The following XRCC4 variants were observed in gnomAD, a reference collection of about 807,000 sequenced individuals.
XRCC4 encodes DNA repair protein XRCC4.
Under a neutral mutation model 39.1 loss-of-function variants are expected in XRCC4, and 28 were observed. That is an observed-to-expected ratio of 0.72 (90% CI 0.53 to 0.98). The LOEUF (loss-of-function observed/expected upper bound fraction) is 0.98, where lower values mean the gene tolerates loss of function less well. Ranked by LOEUF, XRCC4 falls within the 50% of genes least tolerant of loss-of-function variation. XRCC4 has a pLI of 0.00. For synonymous variants in XRCC4, 123 were observed against 126.4 expected, an observed-to-expected ratio of 0.97 and a Z score of 0.18; for missense variants, 350 against 376.4, an observed-to-expected ratio of 0.93 and a Z score of 0.58.
intron 3 of XRCC4, among the ~76,000 whole-genome samples, chr5:83,132,447 G>A (rs1353076967): frequency 6.6e-6 from 1 of 152,046 alleles, no homozygotes; most frequent in Non-Finnish European, 1.5e-5. Context: ...GGTTGGGGAA[G>A]TTTTCCTGGA....
chr5:83,221,000 A>G (rs1752062584), intron 6 of XRCC4, among the ~76,000 whole-genome samples: 1 of 151,920 alleles, frequency 6.6e-6, no homozygotes. Flanking sequence ...GTAATCTGCA[A>G]CCCTCCTTAT....
chr5:83,311,465 T>C (rs1203735795), intron 7 of XRCC4, among the ~76,000 whole-genome samples: 1 of 152,106 alleles, frequency 6.6e-6, no homozygotes, highest in East Asian at 1.9e-4. Context: ...AATTATCACA[T>C]GTATACCCAA....
chr5:83,314,706 G>A (rs1561470692), intron 7 of XRCC4, among the ~76,000 whole-genome samples: 2 of 152,044 alleles, frequency 1.3e-5, no homozygotes, highest in South Asian at 4.1e-4. Context: ...TGTGATCAGT[G>A]ATCATTTATT....
the XRCC4 span, among the ~76,000 whole-genome samples, chr5:83,360,450 C>G: frequency 6.6e-6 from 1 of 152,122 alleles, no homozygotes; most frequent in Non-Finnish European, 1.5e-5. Context: ...ACTAAGTTTA[C>G]AGTGGTGTAA....
intron 3 of XRCC4, among the ~76,000 whole-genome samples, chr5:83,194,914 C>T (rs78619439): frequency 2.4e-4 from 36 of 152,214 alleles, no homozygotes; most frequent in African/African-American, 3.4e-4. Flanking sequence ...AGTTCTCTTA[C>T]GGTGAAGATT....
chr5:83,234,492 G>A (rs973291611), intron 6 of XRCC4, among the ~76,000 whole-genome samples: 4 of 151,974 alleles, frequency 2.6e-5, no homozygotes, highest in Non-Finnish European at 2.9e-5. Flanking sequence ...GTACAGCCTC[G>A]AACTCCTGGG....
At chr5:83,222,262 G>A in intron 6 of XRCC4, among the ~76,000 whole-genome samples, 1 of 151,788 alleles carries the variant, frequency 6.6e-6, no homozygotes, top group Non-Finnish European at 1.5e-5. Flanking sequence ...ATTTCTTGTA[G>A]ATTGTTATGA....
At chr5:83,294,041 T>G (rs535818651) in intron 7 of XRCC4, among the ~76,000 whole-genome samples, 9 of 152,094 alleles carry the variant, frequency 5.9e-5, no homozygotes, top group South Asian at 4.1e-4. Context: ...GTTTGACTTT[T>G]GTTTTTTTTT....
At chr5:83,345,117 A>G (rs1376573540) in intron 7 of XRCC4, among the ~76,000 whole-genome samples, 1 of 152,096 alleles carries the variant, frequency 6.6e-6, no homozygotes, top group Non-Finnish European at 1.5e-5. Flanking sequence ...TTCTTTGGAT[A>G]TTCTTTGTTA....
intron 3 of XRCC4, among the ~76,000 whole-genome samples, chr5:83,119,532 A>G (rs919674181): frequency 1.3e-5 from 2 of 152,168 alleles, no homozygotes; most frequent in African/African-American, 4.8e-5. Context: ...GTGTTTAGTT[A>G]TACTGTTTTT....
chr5:83,195,847 G>C lies in XRCC4; in HGVS notation c.393G>C (p.Leu131Phe). ...TTAGAGAACTTATTTGTTATTGCTT[G>C]GACACCATTGCAGAAAATCAAGCCA... is the stretch of plus-strand genomic sequence containing the variant. The part of the protein sequence containing the change: ...EVIRELICYC[L>F]DTIAENQAKN... Residue 131 changes from leucine (L) to phenylalanine (F), a missense_variant, in exon 4 of 8, where the codon TTG becomes TTC. Physicochemically the swap from Leu to Phe is conservative, Grantham distance 22. Transcript: ENST00000396027. 6.2e-7 allele frequency: 1 copy of C among 1,611,972 alleles called. No homozygotes were observed. Among genetic ancestry groups the C allele is most frequent in the South Asian group, 1.1e-5 (1 of 90,810 alleles).
intron 3 of XRCC4, among the ~76,000 whole-genome samples, chr5:83,173,950 T>C (rs1749840226): frequency 6.6e-6 from 1 of 152,220 alleles, no homozygotes; most frequent in African/African-American, 2.4e-5. Flanking sequence ...CTTGTGTGTT[T>C]ATCCAATTTA....
intron 6 of XRCC4, among the ~76,000 whole-genome samples, chr5:83,242,217 G>T (rs540991740): frequency 1.3e-5 from 2 of 149,678 alleles, no homozygotes; most frequent in East Asian, 4.0e-4. Context: ...CACAAACCTT[G>T]CATGAAACTA....
At chr5:83,120,816 A>G (rs1449652776) in intron 3 of XRCC4, among the ~76,000 whole-genome samples, 1 of 152,210 alleles carries the variant, frequency 6.6e-6, no homozygotes, top group Non-Finnish European at 1.5e-5. Context: ...TAAAATGTGC[A>G]TATAGAAAGT....
At chr5:83,088,000 A>G (rs1745259000) in intron 1 of XRCC4, among the ~76,000 whole-genome samples, 2 of 152,184 alleles carry the variant, frequency 1.3e-5, no homozygotes, top group Admixed American at 1.3e-4. Flanking sequence ...AGGCATTGGA[A>G]TTGTATTGTC....
intron 3 of XRCC4, among the ~76,000 whole-genome samples, chr5:83,163,167 G>A (rs745715721): frequency 1.3e-5 from 2 of 151,938 alleles, no homozygotes; most frequent in African/African-American, 2.4e-5. Flanking sequence ...GGTTGGTCTT[G>A]AACTCCTGAC....
At position 83,114,339 on chromosome 5, in the gene XRCC4, C is replaced by G. The variant is rs560977841; in HGVS notation, c.315+3136C>G. ...ATTTTTCCCCCAAATATGGGCTTTT[C>G]TTTTTTATTGCATCGTCAGGCTGCA... On this transcript the variant is annotated intron_variant, in intron 3 of 7. Coordinates refer to ENST00000396027, the MANE Select transcript of XRCC4 (RefSeq NM_003401.5). Among the ~76,000 whole-genome samples the G allele has an allele frequency of 2.6e-5, 4 of 152,250 alleles. No individual in the cohort carries two copies. In the East Asian group the frequency reaches 7.7e-4, roughly 29 times the overall value.
intron 1 of XRCC4, among the ~76,000 whole-genome samples, chr5:83,101,955 C>T (rs1745960331): frequency 6.6e-6 from 1 of 151,708 alleles, no homozygotes; most frequent in South Asian, 2.1e-4. Flanking sequence ...CATAGAAAAA[C>T]AACTAAACAA....
At position 83,305,080 on chromosome 5, in the gene XRCC4, C is replaced by T. The variant is rs576713830; in HGVS notation, c.893+46403C>T. Among the ~76,000 whole-genome samples, 28 of 152,178 alleles carry T rather than the reference C, an allele frequency of 1.8e-4. No homozygotes were observed. The South Asian group carries it at 2.3e-3, about 12-fold the overall frequency. ...ATGTTAGTGTTGTTTCATATCCTAT[C>T]GGCATTTTCAAATTTTTTTATAATA... is the stretch of plus-strand genomic sequence containing the variant. On this transcript the variant is annotated intron_variant, in intron 7 of 7. Coordinates refer to ENST00000396027, the MANE Select transcript of XRCC4 (RefSeq NM_003401.5).
Sources: allele counts gnomAD v4.1 joint callset (sites outside exome capture counted in the v4.1 genomes callset), GRCh38; gene constraint gnomAD v4.1.1; transcripts MANE v1.5; gene names NCBI Gene and HGNC (gene_info 2026-07-23, HGNC 2026-07-21).